GABRA5: variants seen among roughly 807,000 people sequenced by gnomAD.
The protein encoded by GABRA5 is gamma-aminobutyric acid type A receptor subunit alpha5, also known as gamma-aminobutyric acid receptor subunit alpha-5.
Under a neutral mutation model 47.3 loss-of-function variants are expected in GABRA5, and 18 were observed. That is an observed-to-expected ratio of 0.38 (90% CI 0.26 to 0.56). The LOEUF (loss-of-function observed/expected upper bound fraction) is 0.56, where lower values mean the gene tolerates loss of function less well. Ranked by LOEUF, GABRA5 falls within the 20% of genes least tolerant of loss-of-function variation. GABRA5 has a pLI of 0.71. For missense variants in GABRA5, 365 were observed against 599.3 expected, an observed-to-expected ratio of 0.61 and a Z score of 4.08; for synonymous variants, 237 against 229.3, an observed-to-expected ratio of 1.03 and a Z score of -0.30.
chr15:26,882,765 G>T (rs1892764339), intron 4 of GABRA5, among the ~76,000 whole-genome samples: 1 of 152,122 alleles, frequency 6.6e-6, no homozygotes, highest in African/African-American at 2.4e-5. Flanking sequence ...ATTGTCTGAT[G>T]CTTTTTAAAG....
chr15:26,880,768 C>G, intron 3 of GABRA5, 78 bp from the exon 4 acceptor site: 1 of 1,497,916 alleles, frequency 6.7e-7, no homozygotes. Flanking sequence ...CCACGTGACT[C>G]CCTGGTTTCT....
chr15:26,945,790 GT>G (rs1409563661), intron 10 of GABRA5, among the ~76,000 whole-genome samples: 1 of 152,154 alleles, frequency 6.6e-6, no homozygotes, highest in Non-Finnish European at 1.5e-5. Context: ...ACTATGCTGA[GT>G]CCCAGGCGGG....
At chr15:26,904,859 T>G (rs1020079505) in intron 6 of GABRA5, among the ~76,000 whole-genome samples, 2 of 152,166 alleles carry the variant, frequency 1.3e-5, no homozygotes, top group Non-Finnish European at 2.9e-5. Flanking sequence ...GCTTTTGGGC[T>G]GAGACTATGG....
intron 6 of GABRA5, among the ~76,000 whole-genome samples, chr15:26,910,069 T>A: frequency 7.9e-6 from 1 of 126,782 alleles, no homozygotes. Context: ...ATGAAATAAA[T>A]GTTTTTTTTT....
chr15:26,943,544 C>T, intron 10 of GABRA5, 118 bp downstream of exon 10: 1 of 890,158 alleles, frequency 1.1e-6, no homozygotes, highest in Non-Finnish European at 1.8e-6. Flanking sequence ...CCGAATGCTC[C>T]TTTCCTCATA....
chr15:26,873,535 A>G (rs1216442447), intron 3 of GABRA5, among the ~76,000 whole-genome samples: 10 of 152,236 alleles, frequency 6.6e-5, no homozygotes, highest in Admixed American at 6.5e-4. Flanking sequence ...AGTCTTCTTT[A>G]TCTGTCTACA....
At chr15:26,945,141 G>A (rs1051957322) in intron 10 of GABRA5, among the ~76,000 whole-genome samples, 6 of 152,230 alleles carry the variant, frequency 3.9e-5, no homozygotes, top group Non-Finnish European at 7.3e-5. Flanking sequence ...CTTGTGGAAT[G>A]TTCAGACTCG....
At chr15:26,941,637 A>C (rs1894386950) in intron 9 of GABRA5, among the ~76,000 whole-genome samples, 1 of 152,118 alleles carries the variant, frequency 6.6e-6, no homozygotes, top group African/African-American at 2.4e-5. Context: ...TATACAGCAG[A>C]AATGTATCAT....
Position 26,937,207 on chromosome 15 carries a change from C to A in GABRA5, c.603C>A (p.Val201=). Residue 201 remains valine, a synonymous_variant, in exon 8 of 11, where the codon GTC becomes GTA. Coordinates refer to ENST00000335625, the MANE Select transcript of GABRA5 (RefSeq NM_000810.4). The part of the protein sequence containing the change: ...FGSYAYPNSE[V]VYVWTNGSTK... Reference sequence around the variant, plus strand: ...CAGATGCGTACCCTAATTCTGAAGTCGTTTACGTCTGGACCAACGGCTCCA... The same window carrying A: ...CAGATGCGTACCCTAATTCTGAAGTAGTTTACGTCTGGACCAACGGCTCCA... The A allele has an allele frequency of 6.2e-7, 1 of 1,613,972 alleles. No homozygotes were observed. The highest frequency in any genetic ancestry group is 1.1e-5 in the South Asian group (1 of 91,062).
chr15:26,914,856 C>T lies in GABRA5; in HGVS notation c.551C>T (p.Ala184Val), dbSNP rs1479609899. The T allele has an allele frequency of 1.4e-5, 23 of 1,613,800 alleles. No homozygotes were observed. Among genetic ancestry groups the T allele is most frequent in the Non-Finnish European group, 1.7e-5 (20 of 1,179,830 alleles). The change falls in exon 7 of 11, where the codon GCG (alanine) becomes GTG (valine). Residue 184 changes from alanine to valine, a missense_variant. Physicochemically the swap from Ala to Val is moderately conservative, Grantham distance 64. Coordinates refer to ENST00000335625, the MANE Select transcript of GABRA5 (RefSeq NM_000810.4). ...CAGCTTGAGGACTTCCCGATGGATGCGCACGCTTGCCCTCTGAAATTTGGC... is the reference window on the plus strand; with the variant it reads ...CAGCTTGAGGACTTCCCGATGGATGTGCACGCTTGCCCTCTGAAATTTGGC... The part of the protein sequence containing the change: ...PMQLEDFPMD[A>V]HACPLKFGSY...
At chr15:26,885,133 A>T (rs1892843746) in intron 6 of GABRA5, among the ~76,000 whole-genome samples, 1 of 151,520 alleles carries the variant, frequency 6.6e-6, no homozygotes, top group Non-Finnish European at 1.5e-5. Flanking sequence ...CGTCTCTACT[A>T]AAAAAAATAC....
At chr15:26,929,557 C>T (rs149185669) in intron 7 of GABRA5, among the ~76,000 whole-genome samples, 1 of 152,342 alleles carries the variant, frequency 6.6e-6, no homozygotes, top group Non-Finnish European at 1.5e-5. Context: ...CCACAGCTCT[C>T]TGGGACTGGG....
intron 4 of GABRA5, 34 bp downstream of exon 4, chr15:26,881,001 G>T (rs771907161): frequency 2.2e-5 from 35 of 1,608,176 alleles, no homozygotes; most frequent in Non-Finnish European, 2.9e-5. Context: ...GCCCAGCAAG[G>T]ATCCAGGAAG....
chr15:26,931,763 T>C (rs530123019), intron 7 of GABRA5, among the ~76,000 whole-genome samples: 3 of 152,302 alleles, frequency 2.0e-5, no homozygotes, highest in Non-Finnish European at 4.4e-5. Flanking sequence ...GAAAGAGGTA[T>C]AACGGAAAAC....
intron 6 of GABRA5, among the ~76,000 whole-genome samples, chr15:26,906,494 C>T (rs1400903203): frequency 6.6e-6 from 1 of 152,062 alleles, no homozygotes; most frequent in East Asian, 1.9e-4. Flanking sequence ...TGTGTCCAGC[C>T]CTGGGCATGC....
At chr15:26,912,843 A>G (rs1893630783) in intron 6 of GABRA5, among the ~76,000 whole-genome samples, 1 of 152,238 alleles carries the variant, frequency 6.6e-6, no homozygotes, top group Non-Finnish European at 1.5e-5. Flanking sequence ...GTCGATGTTT[A>G]TAATTATCTT....
rs373457164 is a variant in GABRA5 at position 26,883,523 on chromosome 15, C to T, written c.463C>T (p.Leu155=). The T allele has an allele frequency of 3.1e-5, 50 of 1,588,564 alleles. 1 individual carries two copies. Among genetic ancestry groups the T allele is most frequent in the East Asian group, 3.1e-4 (13 of 42,324 alleles). Residue 155 remains leucine, a synonymous_variant, in exon 6 of 11, where the codon CTG becomes TTG. Coordinates refer to ENST00000335625, the MANE Select transcript of GABRA5 (RefSeq NM_000810.4). This position sits in a 1 kb window ranked among gnomAD's most constrained non-coding sequence, Gnocchi z 4.8. The part of the protein sequence containing the change: ...NMTTPNKLLR[L]EDDGTLLYTM... ...GACCACGCCCAACAAGCTGCTGCGG[C>T]TGGAGGACGACGGCACCCTGCTCTA...
intron 4 of GABRA5, among the ~76,000 whole-genome samples, chr15:26,881,858 C>G (rs1328709611): frequency 1.3e-5 from 2 of 152,134 alleles, no homozygotes; most frequent in African/African-American, 4.8e-5. Context: ...CACCACCATG[C>G]CCAGCTAATT....
At chr15:26,890,569 G>C in intron 6 of GABRA5, among the ~76,000 whole-genome samples, 1 of 151,814 alleles carries the variant, frequency 6.6e-6, no homozygotes, top group East Asian at 1.9e-4. Context: ...TGGTCCCGCC[G>C]ATCTCCCTGT....
Sources: allele counts gnomAD v4.1 joint callset (sites outside exome capture counted in the v4.1 genomes callset), GRCh38; gene constraint gnomAD v4.1.1; non-coding constraint Gnocchi (gnomAD v3.1); transcripts MANE v1.5; gene names NCBI Gene and HGNC (gene_info 2026-07-23, HGNC 2026-07-21).